Variants in NAALADL2 observed in about 807,000 individuals in gnomAD.
The protein encoded by NAALADL2 is N-acetylated alpha-linked acidic dipeptidase like 2.
NAALADL2 carries 76 observed loss-of-function variants against 87.2 expected under a neutral mutation model. The ratio of observed to expected loss-of-function variants is 0.87; its 90% CI spans 0.72 to 1.05. NAALADL2 has a LOEUF of 1.05. Among genes scored for constraint, NAALADL2 ranks in the 50% least tolerant of loss-of-function variants. The probability of loss-of-function intolerance (pLI) is 0.00; values close to 1 mark genes in which losing one functional copy is unlikely to be tolerated. For synonymous variants in NAALADL2, 354 were observed against 331.0 expected (o/e 1.07, Z -0.75); for missense variants, 1,089 against 945.8 (o/e 1.15, Z -1.99).
At chr3:175,290,819 C>T (rs1229920297) in intron 4 of NAALADL2, among the ~76,000 whole-genome samples, 1 of 152,040 alleles carries the variant, frequency 6.6e-6, no homozygotes, top group African/African-American at 2.4e-5. Context: ...ATAGGCTCTT[C>T]CCAGATCTCC....
chr3:175,753,238 C>T (rs1746830438), intron 12 of NAALADL2, among the ~76,000 whole-genome samples: 1 of 152,148 alleles, frequency 6.6e-6, no homozygotes, highest in Admixed American at 6.5e-5. Flanking sequence ...ATTTCTCCTT[C>T]TACCACGATT....
intron 3 of NAALADL2, among the ~76,000 whole-genome samples, chr3:174,754,581 C>G (rs537611152): frequency 2.6e-5 from 4 of 151,378 alleles, no homozygotes; most frequent in Admixed American, 2.6e-4. Flanking sequence ...CCACCTTGGC[C>G]TCTCAAAGCA....
At chr3:174,862,589 A>G (rs1726634869) in intron 1 of NAALADL2, among the ~76,000 whole-genome samples, 1 of 152,098 alleles carries the variant, frequency 6.6e-6, no homozygotes, top group Non-Finnish European at 1.5e-5. Context: ...TCCAGTTTCC[A>G]TGAGCTTTTA....
intron 5 of NAALADL2, among the ~76,000 whole-genome samples, chr3:175,442,714 T>C (rs1720010252): frequency 6.6e-6 from 1 of 152,194 alleles, no homozygotes; most frequent in Non-Finnish European, 1.5e-5. Flanking sequence ...TCTGTTTGAG[T>C]CTTTATCTGG....
Position 175,743,063 on chromosome 3 carries a change from C to T in NAALADL2, c.1990+5664C>T, listed in dbSNP as rs191194740. On this transcript the variant is annotated intron_variant, in intron 12 of 13. Transcript: ENST00000454872. ...CAGGCTGGAGTGCAGTGGTGCTGCG[C>T]GATCTCCGCTCACTGCAACCTCCTC... Among the ~76,000 whole-genome samples the T allele has an allele frequency of 4.6e-4, 70 of 151,608 alleles. 1 individual carries two copies. Among genetic ancestry groups the T allele is most frequent in the Admixed American group, 1.0e-3 (16 of 15,240 alleles).
intron 2 of NAALADL2, among the ~76,000 whole-genome samples, chr3:174,565,792 A>G (rs28403055): frequency 0.015 from 2,287 of 152,146 alleles, 68 homozygotes; most frequent in African/African-American, 0.051. Context: ...TCTACCACCA[A>G]TGAGTGAAAG....
chr3:175,427,453 C>A (rs764734441), intron 5 of NAALADL2, among the ~76,000 whole-genome samples: 11 of 152,224 alleles, frequency 7.2e-5, no homozygotes, highest in Non-Finnish European at 1.6e-4. Flanking sequence ...TTAAATGATT[C>A]ACGTTATATA....
chr3:175,032,375 A>T (rs560173768), intron 1 of NAALADL2, among the ~76,000 whole-genome samples: 1 of 152,178 alleles, frequency 6.6e-6, no homozygotes, highest in Admixed American at 6.6e-5. Context: ...GGTAAGCTCT[A>T]TTAAGCCTTG....
At chr3:175,292,073 C>CT (rs1755705756) in intron 4 of NAALADL2, among the ~76,000 whole-genome samples, 1 of 152,120 alleles carries the variant, frequency 6.6e-6, no homozygotes, top group Non-Finnish European at 1.5e-5. Context: ...TTTGCATTGA[C>CT]TTTTTTCACA....
At chr3:174,688,289 G>A (rs979427848) in intron 2 of NAALADL2, among the ~76,000 whole-genome samples, 9 of 152,062 alleles carry the variant, frequency 5.9e-5, no homozygotes, top group African/African-American at 2.2e-4. Flanking sequence ...GGATGATTAT[G>A]AAGATAAATT....
intron 2 of NAALADL2, among the ~76,000 whole-genome samples, chr3:174,673,160 A>G (rs1021411871): frequency 4.6e-5 from 7 of 152,136 alleles, no homozygotes; most frequent in Non-Finnish European, 8.8e-5. Context: ...AATAATTTCA[A>G]CTTATTCAAA....
At chr3:175,754,648 G>A (rs776321565) in intron 12 of NAALADL2, among the ~76,000 whole-genome samples, 15 of 152,014 alleles carry the variant, frequency 9.9e-5, no homozygotes, top group African/African-American at 1.7e-4. Context: ...ATCACAACTC[G>A]GTTTTTATTT....
intron 5 of NAALADL2, among the ~76,000 whole-genome samples, chr3:175,363,491 G>A (rs1765246480): frequency 1.4e-5 from 2 of 147,282 alleles, no homozygotes; most frequent in Non-Finnish European, 3.0e-5. Flanking sequence ...CCTTTTATGA[G>A]ATAGAATCTT....
intron 1 of NAALADL2, among the ~76,000 whole-genome samples, chr3:174,914,135 T>C (rs1734063771): frequency 6.6e-6 from 1 of 151,214 alleles, no homozygotes; most frequent in Non-Finnish European, 1.5e-5. Flanking sequence ...TGATCTCGGC[T>C]CACTGCAACC....
chr3:175,453,745 A>AT (rs1721916268), intron 6 of NAALADL2, among the ~76,000 whole-genome samples: 1 of 152,042 alleles, frequency 6.6e-6, no homozygotes, highest in South Asian at 2.1e-4. Flanking sequence ...ACGCTGTGTA[A>AT]TTGTCTATTC....
rs531912310 is a variant in NAALADL2 at position 175,049,368 on chromosome 3, G to A, written c.44-47422G>A. On this transcript the variant is annotated intron_variant, in intron 1 of 13. Transcript: ENST00000454872. ...TATATGTTTAGATAACATTTGACCCGACTGTAGGTAACTGAAACCAGGGAA... is the reference window on the plus strand; with the variant it reads ...TATATGTTTAGATAACATTTGACCCAACTGTAGGTAACTGAAACCAGGGAA... Among the ~76,000 whole-genome samples, 42 of 152,156 alleles carry A rather than the reference G, an allele frequency of 2.8e-4. No individual in the cohort carries two copies. The South Asian group carries it at 7.1e-3, about 26-fold the overall frequency.
chr3:174,504,810 A>T (rs1337777467), intron 1 of NAALADL2, among the ~76,000 whole-genome samples: 35 of 152,132 alleles, frequency 2.3e-4, no homozygotes, highest in Admixed American at 2.3e-3. Context: ...GTTTAAGATG[A>T]GCTCTTCTTC....
At chr3:175,527,616 C>T (rs867315883) in intron 9 of NAALADL2, among the ~76,000 whole-genome samples, 2 of 152,020 alleles carry the variant, frequency 1.3e-5, no homozygotes, top group African/African-American at 4.8e-5. Flanking sequence ...TTTAACATCC[C>T]CCTCACAATA....
At chr3:175,539,744 G>A (rs765109664) in intron 9 of NAALADL2, among the ~76,000 whole-genome samples, 3 of 152,134 alleles carry the variant, frequency 2.0e-5, no homozygotes, top group African/African-American at 4.8e-5. Flanking sequence ...GACATGGACT[G>A]AGCAATTTTG....
Sources: gnomAD v4.1 joint callset for allele counts (sites outside exome capture counted in the v4.1 genomes callset) on GRCh38, gnomAD v4.1.1 for gene constraint, MANE v1.5 for transcripts, NCBI Gene and HGNC (gene_info 2026-07-23, HGNC 2026-07-21) for gene names.